Variants in GYS1 observed in about 807,000 individuals in gnomAD.
The protein encoded by GYS1 is glycogen [starch] synthase, muscle.
A neutral mutation model predicts 89.1 loss-of-function variants in GYS1; 60 were observed. That is an observed-to-expected ratio of 0.67 (90% CI 0.55 to 0.84). The LOEUF is 0.84. Ranked by LOEUF, GYS1 falls within the 40% of genes least tolerant of loss-of-function variation. The probability of loss-of-function intolerance (pLI) is 0.00; values close to 1 mark genes in which losing one functional copy is unlikely to be tolerated. For missense variants in GYS1, 888 were observed against 1,003.1 expected (o/e 0.89, Z 1.55); for synonymous variants, 366 against 401.7 (o/e 0.91, Z 1.06).
At chr19:48,971,956 G>C (rs1287399733) in intron 12 of GYS1, among the ~76,000 whole-genome samples, 1 of 150,052 alleles carries the variant, frequency 6.7e-6, no homozygotes, top group Non-Finnish European at 1.5e-5. Flanking sequence ...TGACCTCCTA[G>C]GCTCAAGCAA....
In GYS1 at chr19:48,972,540, G is replaced by A. The variant is rs571900846; in HGVS notation, c.1550-1517C>T. ...GTCGCCCAGGCTGGAGTGCAGTGGC[G>A]CGATCTCAGCTCACTGCAATCTCTG... On this transcript the variant is annotated intron_variant, in intron 12 of 15. Transcript: ENST00000323798. Among the ~76,000 whole-genome samples, 4 of 152,062 alleles carry A rather than the reference G, an allele frequency of 2.6e-5. No homozygotes were observed. The South Asian group carries it at 8.3e-4, about 32-fold the overall frequency.
At chr19:48,971,120 T>C (rs2038559199) in intron 12 of GYS1, 97 bp from the exon 13 acceptor site, 3 of 838,632 alleles carry the variant, frequency 3.6e-6, no homozygotes, top group South Asian at 2.7e-5. Flanking sequence ...CTGGCGCCTG[T>C]ACCAAGTGCC....
rs1600150813 is a variant in GYS1 at position 48,988,453 on chromosome 19, C to T, written c.301-1068G>A. ...GGCTCAGTCAATCCTCCCACCTCAC[C>T]TCCTACAGGCGTGGGCCACCATGCC... On this transcript the variant is annotated intron_variant, in intron 2 of 15. Coordinates refer to ENST00000323798, the MANE Select transcript of GYS1 (RefSeq NM_002103.5). Among the ~76,000 whole-genome samples, 3 of 152,030 alleles carry T rather than the reference C, an allele frequency of 2.0e-5. No homozygotes were observed. In the South Asian group the frequency reaches 6.2e-4, roughly 32 times the overall value.
rs2038765947 is a variant in GYS1 at position 48,981,655 on chromosome 19, G to A, written c.1063-19C>T. On this transcript the variant is annotated intron_variant, in intron 7 of 15. Transcript: ENST00000323798. ...CGTTCACCTGCGCAGAAAGAAAGGAGGGGGAGGCCAGGATCATGTGGGGGA... is the reference window on the plus strand; with the variant it reads ...CGTTCACCTGCGCAGAAAGAAAGGAAGGGGAGGCCAGGATCATGTGGGGGA... The A allele has an allele frequency of 4.6e-6, 7 of 1,523,132 alleles. No individual in the cohort carries two copies. Among genetic ancestry groups the A allele is most frequent in the Non-Finnish European group, 6.4e-6 (7 of 1,097,176 alleles). The allele number at this position is 1,523,132 out of a possible 1,614,324, so 94.4% of individuals were successfully genotyped here.
intron 2 of GYS1, among the ~76,000 whole-genome samples, chr19:48,987,824 G>A (rs980162506): frequency 6.6e-6 from 1 of 151,450 alleles, no homozygotes; most frequent in Non-Finnish European, 1.5e-5. Flanking sequence ...TTCTTGAGAC[G>A]GAGTCTGGCT....
chr19:48,978,603 C>T (rs1196461727), intron 8 of GYS1, among the ~76,000 whole-genome samples: 1 of 151,432 alleles, frequency 6.6e-6, no homozygotes, highest in East Asian at 1.9e-4. Flanking sequence ...GCGATCTTGG[C>T]TCACTGCAAC....
In GYS1 at chr19:48,979,060, C is replaced by T. The variant is rs113547949; in HGVS notation, c.1170-903G>A. Reference sequence around the variant, plus strand: ...AAATAGAATCAACCTCAGAGGTTTGCGATGAGGACCCAATGATGTCATGCC... The same window carrying T: ...AAATAGAATCAACCTCAGAGGTTTGTGATGAGGACCCAATGATGTCATGCC... On this transcript the variant is annotated intron_variant, in intron 8 of 15. Coordinates refer to ENST00000323798, the MANE Select transcript of GYS1 (RefSeq NM_002103.5). 3.6e-3 allele frequency among the ~76,000 whole-genome samples: 543 copies of T among 152,224 alleles called. 4 individuals are homozygous for T. The highest frequency in any genetic ancestry group is 0.013 in the African/African-American group (520 of 41,544).
chr19:48,982,227 C>T lies in GYS1; in HGVS notation c.1062+28G>A, dbSNP rs751528071. ...AGTTATAAACTGCTTTGCTTGCCCTCCCTGTCCCCTCATAGCCCAGGCCTC... is the reference window on the plus strand; with the variant it reads ...AGTTATAAACTGCTTTGCTTGCCCTTCCTGTCCCCTCATAGCCCAGGCCTC... On this transcript the variant is annotated intron_variant, in intron 7 of 15. Coordinates refer to ENST00000323798, the MANE Select transcript of GYS1 (RefSeq NM_002103.5). The T allele has an allele frequency of 2.8e-5, 45 of 1,611,950 alleles. No individual in the cohort carries two copies. In the South Asian group the frequency reaches 4.8e-4, roughly 17 times the overall value.
At chr19:48,990,013 G>GA (rs1025387466) in intron 2 of GYS1, among the ~76,000 whole-genome samples, 2 of 148,804 alleles carry the variant, frequency 1.3e-5, no homozygotes, top group African/African-American at 2.5e-5. Flanking sequence ...GGGGGGGGGG[G>GA]CTATTCTTAG....
intron 5 of GYS1, among the ~76,000 whole-genome samples, chr19:48,983,729 G>C (rs2038800007): frequency 6.6e-6 from 1 of 152,176 alleles, no homozygotes; most frequent in African/African-American, 2.4e-5. Flanking sequence ...AGAATGCCCA[G>C]TTCTGACCTA....
chr19:48,985,425 C>T (rs757907778), intron 5 of GYS1, 36 bp downstream of exon 5: 4 of 1,608,536 alleles, frequency 2.5e-6, no homozygotes, highest in South Asian at 1.1e-5. Flanking sequence ...AGCTGCCTAC[C>T]TCATTCACGT....
At position 48,969,284 on chromosome 19, in the gene GYS1, G is replaced by T; in HGVS notation, c.*4C>A. ...GGACAGGCGGGGAGTGTGGTGGGGC[G>T]GACTTAGTTACGCTCCTCGCCCAGG... On this transcript the variant is annotated 3_prime_UTR_variant, in exon 16 of 16. Transcript: ENST00000323798. The T allele has an allele frequency of 6.5e-7, 1 of 1,541,586 alleles. No individual in the cohort carries two copies. Among genetic ancestry groups the T allele is most frequent in the South Asian group, 1.2e-5 (1 of 84,556 alleles).
chr19:48,982,826 G>T lies in GYS1; in HGVS notation c.835C>A (p.Pro279Thr). ...AACTTCTTCACATTCAGCCCATTGG[G>T]GGTCACAATATCTGGGATTGGGGGT... Reference protein sequence around the residue: ...LLKRKPDIVTPNGLNVKKFSA... With the variant: ...LLKRKPDIVTTNGLNVKKFSA... The change falls in exon 6 of 16, where the codon CCC becomes ACC. Residue 279 changes from proline (P) to threonine (T), a missense_variant. Pro to Thr is a conservative substitution (Grantham distance 38). Transcript: ENST00000323798. The T allele has an allele frequency of 6.2e-7, 1 of 1,602,168 alleles. No homozygotes were observed. Among genetic ancestry groups the T allele is most frequent in the Non-Finnish European group, 8.6e-7 (1 of 1,169,102 alleles).
At chr19:48,984,350 C>T (rs1172360467) in intron 5 of GYS1, among the ~76,000 whole-genome samples, 2 of 151,550 alleles carry the variant, frequency 1.3e-5, no homozygotes, top group African/African-American at 4.9e-5. Context: ...AAGTTACATA[C>T]ATCCACATGA....
In GYS1 at chr19:48,990,003, G is replaced by C. The variant is rs910168469; in HGVS notation, c.300+1299C>G. Among the ~76,000 whole-genome samples, 7 of 147,838 alleles carry C rather than the reference G, an allele frequency of 4.7e-5. 1 individual carries two copies. The highest frequency in any genetic ancestry group is 8.9e-5 in the Non-Finnish European group (6 of 67,436). On this transcript the variant is annotated intron_variant, in intron 2 of 15. Transcript: ENST00000323798. ...GCTGTTGTCTGCCCTTTTGCTGGGG[G>C]GGGGGGGGGGCTATTCTTAGGCCCC... is the stretch of plus-strand genomic sequence containing the variant.
At position 48,985,994 on chromosome 19, in the gene GYS1, G is replaced by A. The variant is rs140832609; in HGVS notation, c.534C>T (p.His178=). ...QSEEKPHVVA[H]FHEWLAGVGL... The stretch of plus-strand genomic sequence containing the variant: ...CAACGCCTGCCAACCACTCATGGAA[G>A]TGAGCAACCACATGTGGCTTCTCCT... Residue 178 remains histidine, a synonymous_variant, in exon 4 of 16, where the codon CAC becomes CAT. Transcript: ENST00000323798. The A allele has an allele frequency of 1.9e-6, 3 of 1,614,088 alleles. No homozygotes were observed. The African/African-American group carries it at 4.0e-5, about 22-fold the overall frequency.
chr19:48,986,976 C>A (rs544946824), intron 3 of GYS1, among the ~76,000 whole-genome samples: 59 of 152,182 alleles, frequency 3.9e-4, no homozygotes, highest in Non-Finnish European at 7.3e-4. Context: ...AGGCTGATTC[C>A]AAGAATCCCT....
At chr19:48,979,840 T>G in intron 8 of GYS1, among the ~76,000 whole-genome samples, 1 of 150,906 alleles carries the variant, frequency 6.6e-6, no homozygotes. Context: ...AAAGACGGGG[T>G]TTCACCATGT....
At chr19:48,974,399 C>G in intron 11 of GYS1, 60 bp from the exon 12 acceptor site, 2 of 1,580,604 alleles carry the variant, frequency 1.3e-6, no homozygotes, top group Non-Finnish European at 1.7e-6. Context: ...CCTGAGATCC[C>G]AAGGTGGCCC....
Sources: gnomAD v4.1 joint callset for allele counts (sites outside exome capture counted in the v4.1 genomes callset) on GRCh38, gnomAD v4.1.1 for gene constraint, MANE v1.5 for transcripts, NCBI Gene and HGNC (gene_info 2026-07-23, HGNC 2026-07-21) for gene names.